The following SMARCAD1 variants were observed in gnomAD, a reference collection of about 807,000 sequenced individuals.
The protein encoded by SMARCAD1 is SWI/SNF-related matrix-associated actin-dependent regulator of chromatin subfamily A containing DEAD/H box 1.
A neutral mutation model predicts 127.1 loss-of-function variants in SMARCAD1; 25 were observed. The observed-to-expected ratio is 0.20, with a 90% CI of 0.14 to 0.27. The LOEUF (loss-of-function observed/expected upper bound fraction) is 0.27. Ranked by LOEUF, SMARCAD1 falls within the 10% of genes least tolerant of loss-of-function variation. The pLI is 1.00. For missense variants in SMARCAD1, 807 were observed against 1,206.0 expected, an observed-to-expected ratio of 0.67 and a Z score of 4.90; for synonymous variants, 400 against 396.9, an observed-to-expected ratio of 1.01 and a Z score of -0.09.
intron 9 of SMARCAD1, chr4:94,253,575 G>A (rs977091151): frequency 1.8e-6 from 2 of 1,087,418 alleles, no homozygotes; most frequent in African/African-American, 3.3e-5. Context: ...GCCATTTTAT[G>A]GAGTGTAGCA....
Position 94,208,077 on chromosome 4 carries a change from G to A in SMARCAD1, c.-50+7G>A. The A allele has an allele frequency of 2.0e-6, 1 of 512,086 alleles. No individual in the cohort carries two copies. The highest frequency in any genetic ancestry group is 3.8e-6 in the Non-Finnish European group (1 of 265,538). The allele number at this position is 512,086 out of a possible 1,614,324, so 31.7% of individuals were successfully genotyped here. ...CGTGCCTGCGCGTGCTTGGGTAAGA[G>A]GAGGTTGCATGAGGGTCAGCTCGTG... is the stretch of plus-strand genomic sequence containing the variant. On this transcript the variant is annotated splice_region_variant and intron_variant, in intron 1 of 23. Coordinates refer to ENST00000354268, the MANE Select transcript of SMARCAD1 (RefSeq NM_020159.5).
Position 94,226,144 on chromosome 4 carries a change from A to G in SMARCAD1, c.216A>G (p.Pro72=). 6.2e-7 allele frequency: 1 copy of G among 1,611,252 alleles called. No individual in the cohort carries two copies. The highest frequency in any genetic ancestry group is 8.5e-7 in the Non-Finnish European group (1 of 1,177,862). The change falls in exon 3 of 24, where the codon CCA becomes CCG. Residue 72 remains proline (P), a synonymous_variant. Coordinates refer to ENST00000354268, the MANE Select transcript of SMARCAD1 (RefSeq NM_020159.5). ...KTEDSSVPET[P]DNERKASISY... ...AAGATTCTAGTGTTCCAGAAACTCC[A>G]GATAATGAAAGAAAAGCAAGTATAT...
intron 11 of SMARCAD1, among the ~76,000 whole-genome samples, chr4:94,271,585 G>A (rs577244201): frequency 1.3e-5 from 2 of 152,268 alleles, no homozygotes; most frequent in South Asian, 4.1e-4. Flanking sequence ...GTAATCTTTA[G>A]CATTGTAAGA....
intron 8 of SMARCAD1, 60 bp from the exon 9 acceptor site, chr4:94,252,556 A>G (rs1363537545): frequency 1.7e-6 from 2 of 1,182,196 alleles, no homozygotes; most frequent in Non-Finnish European, 1.2e-6. Flanking sequence ...TTTTATTTGA[A>G]GTCTATCTTT....
intron 4 of SMARCAD1, among the ~76,000 whole-genome samples, chr4:94,235,630 G>A (rs952550996): frequency 6.8e-6 from 1 of 146,808 alleles, no homozygotes; most frequent in Non-Finnish European, 1.5e-5. Flanking sequence ...TTACTTGTCT[G>A]CTAATGTGAA....
intron 8 of SMARCAD1, 101 bp downstream of exon 8, chr4:94,250,934 G>C: frequency 2.2e-6 from 2 of 891,396 alleles, no homozygotes; most frequent in Admixed American, 4.4e-5. Context: ...CTGTTAATCA[G>C]AGGGTGGGAT....
At chr4:94,245,684 T>C (rs1027410236) in intron 6 of SMARCAD1, among the ~76,000 whole-genome samples, 1 of 152,236 alleles carries the variant, frequency 6.6e-6, no homozygotes, top group African/African-American at 2.4e-5. Context: ...AAACTTCAGC[T>C]CATATTTATT....
At position 94,290,703 on chromosome 4, in the gene SMARCAD1, C is replaced by CT; in HGVS notation, c.*1170dup. ...ATTAAATCTTTCTTTAAATTTCTGC[C>CT]TGTCAGTCTATATTGCTGTTTTTAT... On this transcript the variant is annotated 3_prime_UTR_variant, in exon 24 of 24. Coordinates refer to ENST00000354268, the MANE Select transcript of SMARCAD1 (RefSeq NM_020159.5). The CT allele has an allele frequency of 2.3e-6, 1 of 443,526 alleles. No homozygotes were observed. 27.5% of individuals were successfully genotyped at this position (443,526 alleles called of 1,614,324 possible). A position where few individuals can be genotyped will look rare whatever the true frequency, so the allele number is the denominator to read the frequency against.
At chr4:94,281,408 C>G in intron 20 of SMARCAD1, 64 bp from the exon 21 acceptor site, 2 of 1,082,984 alleles carry the variant, frequency 1.8e-6, no homozygotes, top group East Asian at 2.4e-5. Context: ...CTGTTTAAAC[C>G]TGTCAAGGCT....
intron 11 of SMARCAD1, 103 bp downstream of exon 11, chr4:94,270,921 T>A: frequency 1.1e-6 from 1 of 914,752 alleles, no homozygotes; most frequent in Non-Finnish European, 1.8e-6. Context: ...TGTAGTTAAC[T>A]ACTGCCACCT....
chr4:94,232,695 G>A (rs1746027374), intron 3 of SMARCAD1, among the ~76,000 whole-genome samples: 1 of 152,320 alleles, frequency 6.6e-6, no homozygotes, highest in South Asian at 2.1e-4. Context: ...GCTCACACCT[G>A]TTATCCCAGC....
intron 2 of SMARCAD1, among the ~76,000 whole-genome samples, chr4:94,223,872 C>T (rs192283475): frequency 5.3e-5 from 8 of 151,932 alleles, no homozygotes; most frequent in Admixed American, 3.9e-4. Context: ...TGAGCCACCG[C>T]ACCTGGCCTC....
chr4:94,253,035 G>GT, intron 9 of SMARCAD1, 28 bp downstream of exon 9: 1 of 1,605,788 alleles, frequency 6.2e-7, no homozygotes, highest in Non-Finnish European at 8.5e-7. Context: ...TTTTCCCCTT[G>GT]TATGTGTGTG....
At chr4:94,214,540 A>G (rs750269147) in intron 2 of SMARCAD1, among the ~76,000 whole-genome samples, 2 of 152,040 alleles carry the variant, frequency 1.3e-5, no homozygotes, top group Non-Finnish European at 2.9e-5. Flanking sequence ...TGCTGGGATT[A>G]CAGGCATGAG....
intron 2 of SMARCAD1, chr4:94,213,160 A>G (rs964856025): frequency 8.2e-7 from 1 of 1,226,168 alleles, no homozygotes; most frequent in Non-Finnish European, 1.1e-6. Context: ...ATGGTATGTA[A>G]ATATATAGTT....
At chr4:94,284,903 A>G (rs1754712080) in intron 22 of SMARCAD1, 57 bp from the exon 23 acceptor site, 5 of 1,009,842 alleles carry the variant, frequency 5.0e-6, no homozygotes, top group Non-Finnish European at 6.2e-6. Context: ...TATAGTTTAC[A>G]TATATCCAAA....
At chr4:94,287,523 A>G (rs1161235388) in intron 23 of SMARCAD1, among the ~76,000 whole-genome samples, 1 of 152,182 alleles carries the variant, frequency 6.6e-6, no homozygotes, top group Non-Finnish European at 1.5e-5. Flanking sequence ...TTGTTACCAG[A>G]GTACCAGCAG....
chr4:94,265,055 T>C (rs1579272759), intron 10 of SMARCAD1, 149 bp downstream of exon 10: 2 of 702,232 alleles, frequency 2.8e-6, no homozygotes, highest in Non-Finnish European at 4.9e-6. Context: ...AAGTGGACTA[T>C]GAACTGTTTT....
intron 2 of SMARCAD1, among the ~76,000 whole-genome samples, chr4:94,215,736 G>C (rs1579001028): frequency 6.6e-6 from 1 of 152,204 alleles, no homozygotes; most frequent in South Asian, 2.1e-4. Context: ...TTTGATGTCT[G>C]CTTTTTCATA....
Sources: gnomAD v4.1 joint callset for allele counts (sites outside exome capture counted in the v4.1 genomes callset) on GRCh38, gnomAD v4.1.1 for gene constraint, MANE v1.5 for transcripts, NCBI Gene and HGNC (gene_info 2026-07-23, HGNC 2026-07-21) for gene names.